The following SRRM1 variants were observed in gnomAD, a reference collection of about 807,000 sequenced individuals.
The protein encoded by SRRM1 is serine/arginine repetitive matrix protein 1.
In SRRM1, 19 loss-of-function variants were observed where a neutral mutation model predicts 110.2. That is an observed-to-expected ratio of 0.17 (90% CI 0.12 to 0.25). SRRM1 has a LOEUF of 0.25. Ranked by LOEUF, SRRM1 falls within the 10% of genes least tolerant of loss-of-function variation. SRRM1 has a pLI of 1.00. For synonymous variants in SRRM1, 443 were observed against 414.9 expected, an observed-to-expected ratio of 1.07 and a Z score of -0.82; for missense variants, 918 against 1,145.8, an observed-to-expected ratio of 0.80 and a Z score of 2.87.
rs1246924279 is a variant in SRRM1 at position 24,672,927 on chromosome 1, T to G, written c.*641T>G. ...TATATTGATGTGTAACAAGTTGATT[T>G]GGAACACTGGACTCTCATTCTGTTA... On this transcript the variant is annotated 3_prime_UTR_variant, in exon 17 of 17. Transcript: ENST00000323848. 2.0e-5 allele frequency: 3 copies of G among 152,550 alleles called. No homozygotes were observed. Among genetic ancestry groups the G allele is most frequent in the Non-Finnish European group, 2.9e-5 (2 of 68,054 alleles). The allele number at this position is 152,550 out of a possible 1,614,324, so 9.4% of individuals were successfully genotyped here.
At chr1:24,651,682 T>C (rs1660747452) in intron 6 of SRRM1, 70 bp downstream of exon 6, 1 of 1,169,012 alleles carries the variant, frequency 8.6e-7, no homozygotes, top group African/African-American at 1.6e-5. Context: ...ATATGACATC[T>C]GAGTTAAAAT....
At chr1:24,653,413 G>A (rs1030449331) in intron 8 of SRRM1, among the ~76,000 whole-genome samples, 1 of 152,032 alleles carries the variant, frequency 6.6e-6, no homozygotes, top group Non-Finnish European at 1.5e-5. Context: ...TAATTCATTT[G>A]CTGTTATACT....
intron 12 of SRRM1, chr1:24,663,307 C>G: frequency 9.2e-7 from 1 of 1,081,246 alleles, no homozygotes. Context: ...GACCTCATCT[C>G]ATTCTTAAAT....
intron 4 of SRRM1, 141 bp downstream of exon 4, chr1:24,649,170 C>G (rs2148256184): frequency 3.1e-6 from 2 of 652,038 alleles, no homozygotes; most frequent in East Asian, 5.8e-5. Flanking sequence ...AGTTTTGGTT[C>G]ACTGCTCCTC....
At chr1:24,667,891 T>C (rs1036831074) in intron 13 of SRRM1, among the ~76,000 whole-genome samples, 1 of 151,090 alleles carries the variant, frequency 6.6e-6, no homozygotes, top group South Asian at 2.1e-4. Flanking sequence ...TATTTTAAAG[T>C]GAAAATTAGG....
intron 12 of SRRM1, among the ~76,000 whole-genome samples, chr1:24,665,728 G>GA (rs1669676087): frequency 6.6e-6 from 1 of 152,168 alleles, no homozygotes; most frequent in Admixed American, 6.5e-5. Flanking sequence ...AAGAAGGGGA[G>GA]ATAGAGCCTG....
In SRRM1 at chr1:24,654,908, C is replaced by T; in HGVS notation, c.1094C>T (p.Ser365Phe). Reference protein sequence around the residue: ...LSGSSSSSSSSRSRSPPKKPP... With the variant: ...LSGSSSSSSSFRSRSPPKKPP... The stretch of plus-strand genomic sequence containing the variant: ...GGGAGTAGCTCATCATCCTCTTCAT[C>T]TCGTTCACGGTCACCACCAAAGAAG... The change falls in exon 9 of 17, where the codon TCT (serine) becomes TTT (phenylalanine). Residue 365 changes from serine (S) to phenylalanine (F), a missense_variant. By Grantham distance (155) the Ser-to-Phe change is radical. Coordinates refer to ENST00000323848, the MANE Select transcript of SRRM1 (RefSeq NM_005839.4). The T allele has an allele frequency of 6.2e-7, 1 of 1,614,208 alleles. No homozygotes were observed. Among genetic ancestry groups the T allele is most frequent in the Non-Finnish European group, 8.5e-7 (1 of 1,180,038 alleles).
chr1:24,658,049 C>T (rs1032044736), intron 9 of SRRM1, among the ~76,000 whole-genome samples: 2 of 151,780 alleles, frequency 1.3e-5, no homozygotes, highest in East Asian at 1.9e-4. Flanking sequence ...TGATTTTGTC[C>T]CTTGAATACT....
At chr1:24,651,915 G>C (rs11249151) in intron 6 of SRRM1, among the ~76,000 whole-genome samples, 2 of 149,298 alleles carry the variant, frequency 1.3e-5, no homozygotes, top group Non-Finnish European at 3.0e-5. Flanking sequence ...TGCCAGATGC[G>C]GGGGTGCATG....
intron 3 of SRRM1, chr1:24,647,652 A>G (rs1274412943): frequency 6.6e-6 from 1 of 152,642 alleles, no homozygotes; most frequent in African/African-American, 2.4e-5. Context: ...CATTTCCCCC[A>G]AAGAGTTCAC....
chr1:24,664,234 G>C (rs1271096858), intron 12 of SRRM1, among the ~76,000 whole-genome samples: 1 of 152,096 alleles, frequency 6.6e-6, no homozygotes, highest in Admixed American at 6.5e-5. Flanking sequence ...AAAGTCAGGT[G>C]ATCCACCCGC....
Position 24,662,698 on chromosome 1 carries a change from A to G in SRRM1, c.1522A>G (p.Lys508Glu), listed in dbSNP as rs372076459. Residue 508 changes from lysine (K) to glutamate (E), a missense_variant, in exon 12 of 17, where the codon AAG (lysine) becomes GAG (glutamate). By Grantham distance (56) the Lys-to-Glu change is moderately conservative. Transcript: ENST00000323848. Reference sequence around the variant, plus strand: ...CTCCTCCTCAGAAGATGAACGACCCAAGAGATCCCATGTGAAGAATGGTGA... The same window carrying G: ...CTCCTCCTCAGAAGATGAACGACCCGAGAGATCCCATGTGAAGAATGGTGA... Reference protein sequence around the residue: ...SSSSSEDERPKRSHVKNGEVG... With the variant: ...SSSSSEDERPERSHVKNGEVG... The G allele has an allele frequency of 2.5e-6, 4 of 1,614,148 alleles. No individual in the cohort carries two copies. Among genetic ancestry groups the G allele is most frequent in the Non-Finnish European group, 3.4e-6 (4 of 1,180,028 alleles).
At chr1:24,656,510 A>G (rs1184526947) in intron 9 of SRRM1, among the ~76,000 whole-genome samples, 1 of 152,204 alleles carries the variant, frequency 6.6e-6, no homozygotes, top group Non-Finnish European at 1.5e-5. Flanking sequence ...CTGTTTTCAT[A>G]ACCTCATGTA....
chr1:24,666,373 G>T (rs1383469795), intron 12 of SRRM1, among the ~76,000 whole-genome samples: 2 of 152,160 alleles, frequency 1.3e-5, no homozygotes, highest in Admixed American at 1.3e-4. Flanking sequence ...GAAAAACACT[G>T]TTCTGAAACT....
chr1:24,664,867 A>C (rs1438626464), intron 12 of SRRM1, among the ~76,000 whole-genome samples: 16 of 151,796 alleles, frequency 1.1e-4, no homozygotes, highest in Admixed American at 9.2e-4. Context: ...CTTCTCTTTC[A>C]TCTCCCCTTC....
At chr1:24,665,155 G>A (rs189038338) in intron 12 of SRRM1, among the ~76,000 whole-genome samples, 5 of 152,138 alleles carry the variant, frequency 3.3e-5, no homozygotes, top group Non-Finnish European at 5.9e-5. Context: ...GGCCGGGTGC[G>A]GTGGCTCATG....
chr1:24,661,732 A>C (rs1267799767), intron 11 of SRRM1, among the ~76,000 whole-genome samples: 1 of 152,216 alleles, frequency 6.6e-6, no homozygotes, highest in Non-Finnish European at 1.5e-5. Context: ...ACCCCACAGA[A>C]GCTCAACTGT....
At chr1:24,662,549 G>GTATACATGC in intron 11 of SRRM1, 111 bp from the exon 12 acceptor site, 1 of 946,306 alleles carries the variant, frequency 1.1e-6, no homozygotes. Context: ...CTGATGGCCT[G>GTATACATGC]TATACATGCT....
In SRRM1 at chr1:24,649,037, CCTTTT is replaced by C. The variant is rs771822848; in HGVS notation, c.405+16_405+20del. 6.2e-6 allele frequency: 10 copies of C among 1,609,772 alleles called. No homozygotes were observed. In the African/African-American group the frequency reaches 8.1e-5, roughly 13 times the overall value. ...GAAATAAAACAAAGACAGGTAATAA[CCTTTT>C]CTTTTCTGTAATGTCGATTTGAGAG... On this transcript the variant is annotated intron_variant, in intron 4 of 16. Transcript: ENST00000323848.
Sources: gnomAD v4.1 joint callset for allele counts (sites outside exome capture counted in the v4.1 genomes callset) on GRCh38, gnomAD v4.1.1 for gene constraint, MANE v1.5 for transcripts, NCBI Gene and HGNC (gene_info 2026-07-23, HGNC 2026-07-21) for gene names.